IL1RAPL2: variants seen among roughly 807,000 people sequenced by gnomAD.
The protein encoded by IL1RAPL2 is interleukin 1 receptor accessory protein like 2.
A neutral mutation model predicts 44.1 loss-of-function variants in IL1RAPL2; 3 were observed. That is an observed-to-expected ratio of 0.07 (90% CI 0.03 to 0.18). IL1RAPL2 has a LOEUF of 0.18. Among genes scored for constraint, IL1RAPL2 ranks in the 10% least tolerant of loss-of-function variants. The pLI is 1.00. For missense variants in IL1RAPL2, 391 were observed against 496.4 expected, an observed-to-expected ratio of 0.79 and a Z score of 2.02; for synonymous variants, 181 against 178.8, an observed-to-expected ratio of 1.01 and a Z score of -0.10.
chrX:105,290,408 A>G (rs950286672), intron 5 of IL1RAPL2, among the ~76,000 whole-genome samples: 2 of 111,434 alleles, frequency 1.8e-5, no homozygotes, highest in Non-Finnish European at 3.8e-5. Flanking sequence ...AAGGCTTTTC[A>G]AAGGAGATGA....
At chrX:105,069,929 G>C (rs1318523688) in intron 2 of IL1RAPL2, among the ~76,000 whole-genome samples, 1 of 111,964 alleles carries the variant, frequency 8.9e-6, no homozygotes, top group East Asian at 2.8e-4. Flanking sequence ...CCCTTGCCTG[G>C]GTGAGAAAGA....
intron 6 of IL1RAPL2, among the ~76,000 whole-genome samples, chrX:105,674,792 G>A (rs2037854992): frequency 8.9e-6 from 1 of 112,001 alleles, no homozygotes; most frequent in African/African-American, 3.2e-5. Context: ...CTATCCATGA[G>A]CATGGAATAT....
intron 3 of IL1RAPL2, among the ~76,000 whole-genome samples, chrX:105,215,930 C>T (rs890147656): frequency 2.7e-5 from 3 of 111,571 alleles, no homozygotes; most frequent in African/African-American, 9.8e-5. Flanking sequence ...GATAAAAACT[C>T]TCAATAAACT....
chrX:105,052,012 CA>C (rs995611347), intron 2 of IL1RAPL2, among the ~76,000 whole-genome samples: 1 of 111,017 alleles, frequency 9.0e-6, no homozygotes, highest in Non-Finnish European at 1.9e-5. Context: ...AATAAAGGGA[CA>C]AAAAAAAGGA....
intron 6 of IL1RAPL2, among the ~76,000 whole-genome samples, chrX:105,666,935 G>A (rs781414908): frequency 8.9e-6 from 1 of 111,860 alleles, no homozygotes; most frequent in Non-Finnish European, 1.9e-5. Context: ...ATCACGCGCT[G>A]TTGGCTCATT....
chrX:104,983,649 AT>A (rs918396632), intron 2 of IL1RAPL2, among the ~76,000 whole-genome samples: 3 of 98,766 alleles, frequency 3.0e-5, no homozygotes, highest in Non-Finnish European at 6.0e-5. Context: ...TACATATAAT[AT>A]TATGTACATA....
In IL1RAPL2 at chrX:105,195,374, T is replaced by A. The variant is rs1314912012; in HGVS notation, c.83-101T>A. The A allele has an allele frequency of 5.1e-6, 4 of 781,831 alleles. No homozygotes were observed. The East Asian group carries it at 1.3e-4, about 25-fold the overall frequency. 64.4% of individuals were successfully genotyped at this position (781,831 alleles called of 1,213,427 possible). A position where few individuals can be genotyped will look rare whatever the true frequency, so the allele number is the denominator to read the frequency against. Reference sequence around the variant, plus strand: ...TTACTGGGAAGATTGAATGAAGTAATCTATGTGGAGCACTTAGGACATGTT... The same window carrying A: ...TTACTGGGAAGATTGAATGAAGTAAACTATGTGGAGCACTTAGGACATGTT... On this transcript the variant is annotated intron_variant, in intron 2 of 10. Coordinates refer to ENST00000372582, the MANE Select transcript of IL1RAPL2 (RefSeq NM_017416.2).
At chrX:105,551,231 T>G (rs1453334969) in intron 6 of IL1RAPL2, among the ~76,000 whole-genome samples, 2 of 107,683 alleles carry the variant, frequency 1.9e-5, no homozygotes, top group Non-Finnish European at 3.8e-5. Context: ...TGAACATACT[T>G]ACCATTAAAA....
intron 2 of IL1RAPL2, among the ~76,000 whole-genome samples, chrX:105,090,037 G>A (rs1184890064): frequency 1.8e-5 from 2 of 111,543 alleles, no homozygotes; most frequent in Non-Finnish European, 3.8e-5. Context: ...TAAGGAAGAG[G>A]GAGGAAAAGA....
chrX:105,613,820 A>T (rs966276557), intron 6 of IL1RAPL2, among the ~76,000 whole-genome samples: 2 of 111,430 alleles, frequency 1.8e-5, no homozygotes, highest in Admixed American at 9.6e-5. Context: ...CATCTGCAGT[A>T]AATAGAACAA....
At chrX:105,285,082 G>T (rs1021128371) in intron 5 of IL1RAPL2, among the ~76,000 whole-genome samples, 1 of 111,995 alleles carries the variant, frequency 8.9e-6, no homozygotes, top group African/African-American at 3.2e-5. Context: ...CCTGCTCCTT[G>T]CACCTGTGCA....
At chrX:105,193,230 G>A (rs1410090583) in intron 2 of IL1RAPL2, among the ~76,000 whole-genome samples, 1 of 111,396 alleles carries the variant, frequency 9.0e-6, no homozygotes, top group Admixed American at 9.5e-5. Context: ...TTTCTATCAA[G>A]TAGGTAATGA....
intron 2 of IL1RAPL2, among the ~76,000 whole-genome samples, chrX:105,155,521 A>G (rs1420890856): frequency 1.4e-4 from 16 of 110,818 alleles, no homozygotes; most frequent in African/African-American, 4.6e-4. Flanking sequence ...GATTGTAGGG[A>G]TCCTTGGATA....
chrX:105,676,936 T>A (rs2037878016), intron 6 of IL1RAPL2, among the ~76,000 whole-genome samples: 1 of 112,247 alleles, frequency 8.9e-6, no homozygotes, highest in Admixed American at 9.5e-5. Flanking sequence ...ATGAAATTTC[T>A]TCTTAAATTA....
At chrX:105,352,946 T>C (rs376608496) in intron 5 of IL1RAPL2, among the ~76,000 whole-genome samples, 6,478 of 109,556 alleles carry the variant, frequency 0.059, 485 homozygotes, top group African/African-American at 0.21. Flanking sequence ...TTAGATCCCA[T>C]TTGTCAATTT....
chrX:104,812,352 G>C (rs934048655), intron 2 of IL1RAPL2, among the ~76,000 whole-genome samples: 3 of 110,681 alleles, frequency 2.7e-5, no homozygotes, highest in African/African-American at 9.9e-5. Flanking sequence ...GCTTGGGTTT[G>C]GAAAAAAATG....
chrX:104,794,029 A>G (rs910364897), intron 2 of IL1RAPL2, among the ~76,000 whole-genome samples: 2 of 111,948 alleles, frequency 1.8e-5, no homozygotes, highest in Admixed American at 1.9e-4. Flanking sequence ...CTGAATTCCA[A>G]CTGTGTCTGG....
chrX:105,047,933 TAGAA>T (rs1032112671), intron 2 of IL1RAPL2, among the ~76,000 whole-genome samples: 6 of 110,614 alleles, frequency 5.4e-5, no homozygotes, highest in Admixed American at 1.9e-4. Context: ...AGAAGAGAGA[TAGAA>T]AGAAATGGAA....
chrX:104,660,143 G>A (rs1273285385), intron 2 of IL1RAPL2, among the ~76,000 whole-genome samples: 1 of 111,080 alleles, frequency 9.0e-6, no homozygotes, highest in Non-Finnish European at 1.9e-5. Flanking sequence ...TTTGTATGTT[G>A]TGACTCTCTT....
Sources: allele counts gnomAD v4.1 joint callset (sites outside exome capture counted in the v4.1 genomes callset), GRCh38; gene constraint gnomAD v4.1.1; transcripts MANE v1.5; gene names NCBI Gene and HGNC (gene_info 2026-07-23, HGNC 2026-07-21).